The following LARGE1 variants were observed in gnomAD, a reference collection of about 807,000 sequenced individuals.
The protein encoded by LARGE1 is LARGE xylosyl- and glucuronyltransferase 1.
Under a neutral mutation model 87.6 loss-of-function variants are expected in LARGE1, and 43 were observed. The observed-to-expected ratio is 0.49, with a 90% CI of 0.38 to 0.63. The LOEUF (loss-of-function observed/expected upper bound fraction) is 0.63. Ranked by LOEUF, LARGE1 falls within the 30% of genes least tolerant of loss-of-function variation. The probability of loss-of-function intolerance (pLI) is 0.00; values close to 1 mark genes in which losing one functional copy is unlikely to be tolerated. For synonymous variants in LARGE1, 434 were observed against 394.6 expected (o/e 1.10, Z -1.18); for missense variants, 802 against 1,000.2 (o/e 0.80, Z 2.67).
rs193195208 is a variant in LARGE1 at position 33,245,840 on chromosome 22, C to T, written c.1730+58389G>A. Among the ~76,000 whole-genome samples the T allele has an allele frequency of 2.6e-3, 398 of 152,174 alleles. 4 individuals are homozygous for T. Among genetic ancestry groups the T allele is most frequent in the African/African-American group, 9.1e-3 (376 of 41,536 alleles). On this transcript the variant is annotated intron_variant, in intron 11 of 11. Coordinates refer to the LARGE1 transcript ENST00000608642. ...AGGAGAATCACTTGAACCTGGGAGG[C>T]GGAGGTTGCAGTGAGCTGAGATTGC... is the stretch of plus-strand genomic sequence containing the variant.
At chr22:33,072,303 G>C in the LARGE1 span, among the ~76,000 whole-genome samples, 1 of 152,276 alleles carries the variant, frequency 6.6e-6, no homozygotes, top group South Asian at 2.1e-4. Context: ...GGAGGAGGTG[G>C]GGGAGGAGGA....
intron 1 of LARGE1, among the ~76,000 whole-genome samples, chr22:33,784,970 T>G (rs375624112): frequency 4.0e-5 from 6 of 151,182 alleles, no homozygotes; most frequent in African/African-American, 1.5e-4. Context: ...GGTATATACA[T>G]GTGTATACAT....
rs3072359 is a variant in LARGE1 at position 33,865,832 on chromosome 22, C to CTTTTTTTTTTTTTTTTTTTTTTTTTTTTT, written c.-83+54134_-83+54162dup. ...TAAGCATTCAATGTTAGCTGTTATTCTTTTTTTTTTTTTTTTTTTTTTTTT... is the reference window on the plus strand; with the variant it reads ...TAAGCATTCAATGTTAGCTGTTATTCTTTTTTTTTTTTTTTTTTTTTTTTTTTTTTTTTTTTTTTTTTTTTTTTTTTTTT... On this transcript the variant is annotated intron_variant, in intron 1 of 14. Coordinates refer to ENST00000397394, the MANE Select transcript of LARGE1 (RefSeq NM_133642.5). Among the ~76,000 whole-genome samples the CTTTTTTTTTTTTTTTTTTTTTTTTTTTTT allele has an allele frequency of 1.1e-4, 3 of 28,394 alleles. 1 individual carries two copies. The highest frequency in any genetic ancestry group is 3.2e-4 in the African/African-American group (3 of 9,350). 18.6% of individuals were successfully genotyped at this position (28,394 alleles called of 152,430 possible).
rs147428087 is a variant in LARGE1 at position 33,816,043 on chromosome 22, C to G, written c.-82-54485G>C. On this transcript the variant is annotated intron_variant, in intron 1 of 14. Coordinates refer to ENST00000397394, the MANE Select transcript of LARGE1 (RefSeq NM_133642.5). Reference sequence around the variant, plus strand: ...GCATTCAATGTTGTCATTAAATAAGCAAACAAAGACATGGCCTGGTGTTCT... The same window carrying G: ...GCATTCAATGTTGTCATTAAATAAGGAAACAAAGACATGGCCTGGTGTTCT... Among the ~76,000 whole-genome samples, 281 of 152,268 alleles carry G rather than the reference C, an allele frequency of 1.8e-3. 1 individual carries two copies. Among genetic ancestry groups the G allele is most frequent in the African/African-American group, 6.4e-3 (264 of 41,552 alleles).
intron 1 of LARGE1, among the ~76,000 whole-genome samples, chr22:33,848,136 C>T (rs1260215263): frequency 6.6e-6 from 1 of 152,198 alleles, no homozygotes; most frequent in Non-Finnish European, 1.5e-5. Flanking sequence ...AAAACTAAAT[C>T]AGGCAGCGTA....
intron 1 of LARGE1, among the ~76,000 whole-genome samples, chr22:33,872,532 C>T (rs552527947): frequency 2.6e-5 from 4 of 152,162 alleles, no homozygotes; most frequent in Admixed American, 1.3e-4. Context: ...ACCCCCCCAG[C>T]GACACACTAG....
At chr22:33,372,876 G>A (rs997974808) in intron 9 of LARGE1, among the ~76,000 whole-genome samples, 28 of 152,150 alleles carry the variant, frequency 1.8e-4, no homozygotes, top group South Asian at 8.3e-4. Context: ...ATAGAAACAA[G>A]ACAGACAGGA....
At chr22:33,073,316 A>T in the LARGE1 span, among the ~76,000 whole-genome samples, 1 of 152,192 alleles carries the variant, frequency 6.6e-6, no homozygotes, top group Admixed American at 6.5e-5. Flanking sequence ...TGGGGCTGAA[A>T]TTTGAAGGAT....
the LARGE1 span, among the ~76,000 whole-genome samples, chr22:33,108,242 C>G: frequency 2.0e-5 from 3 of 152,154 alleles, no homozygotes; most frequent in Admixed American, 2.0e-4. Flanking sequence ...CAAACATTCA[C>G]TGAGTTTATA....
intron 11 of LARGE1, among the ~76,000 whole-genome samples, chr22:33,309,774 C>T (rs73166240): frequency 6.6e-6 from 1 of 152,010 alleles, no homozygotes; most frequent in Non-Finnish European, 1.5e-5. Flanking sequence ...TCAGCATGTT[C>T]GAGCAGGAAG....
chr22:33,466,996 C>T (rs1420088895), intron 6 of LARGE1, among the ~76,000 whole-genome samples: 2 of 152,060 alleles, frequency 1.3e-5, no homozygotes, highest in Non-Finnish European at 1.5e-5. Flanking sequence ...GAGCCAAGAT[C>T]GTGCCATTGT....
At chr22:33,530,802 T>C (rs921001957) in intron 6 of LARGE1, among the ~76,000 whole-genome samples, 2 of 152,164 alleles carry the variant, frequency 1.3e-5, no homozygotes, top group Admixed American at 1.3e-4. Context: ...ATTTGAGAAA[T>C]AGCAGCCTAC....
chr22:33,303,865 C>T (rs1934504238), intron 12 of LARGE1, among the ~76,000 whole-genome samples: 1 of 152,060 alleles, frequency 6.6e-6, no homozygotes, highest in South Asian at 2.1e-4. Context: ...CCTCGTGATC[C>T]ACCTGCCTCA....
intron 9 of LARGE1, among the ~76,000 whole-genome samples, chr22:33,362,689 T>A (rs1318509575): frequency 6.7e-6 from 1 of 150,154 alleles, no homozygotes; most frequent in African/African-American, 2.4e-5. Flanking sequence ...TAATTAAATA[T>A]TATTTGAGTT....
At chr22:33,809,743 C>T (rs1360846210) in intron 1 of LARGE1, among the ~76,000 whole-genome samples, 1 of 151,998 alleles carries the variant, frequency 6.6e-6, no homozygotes, top group Non-Finnish European at 1.5e-5. Flanking sequence ...ATAAAAATAA[C>T]CAATGAGATA....
At chr22:33,329,135 T>C (rs1937489676) in intron 10 of LARGE1, among the ~76,000 whole-genome samples, 1 of 152,166 alleles carries the variant, frequency 6.6e-6, no homozygotes, top group African/African-American at 2.4e-5. Context: ...CTGCTATCAC[T>C]AGGAGGCTAG....
In LARGE1 at chr22:33,650,227, C is replaced by G. The variant is rs2080750579; in HGVS notation, c.408+140G>C. On this transcript the variant is annotated intron_variant, in intron 3 of 14. Transcript: ENST00000397394. ...CAGACCATTGAGCAAAGTTAGCGAG[C>G]AAGCCAGACTTACACACCCGGGCTA... The G allele has an allele frequency of 2.8e-6, 3 of 1,069,608 alleles. No homozygotes were observed. The Admixed American group carries it at 5.3e-5, about 19-fold the overall frequency. 66.3% of individuals were successfully genotyped at this position (1,069,608 alleles called of 1,614,324 possible).
chr22:33,587,686 T>G (rs1028413479), intron 5 of LARGE1, among the ~76,000 whole-genome samples: 5 of 152,134 alleles, frequency 3.3e-5, no homozygotes, highest in Non-Finnish European at 7.4e-5. Flanking sequence ...ATTTTCCCCT[T>G]GATTTTTTCC....
At chr22:33,805,461 C>T (rs926210317) in intron 1 of LARGE1, among the ~76,000 whole-genome samples, 3 of 152,130 alleles carry the variant, frequency 2.0e-5, no homozygotes, top group African/African-American at 4.8e-5. Context: ...TGGTCGGGCA[C>T]GGTGGCTCAC....
Sources: gnomAD v4.1 joint callset for allele counts (sites outside exome capture counted in the v4.1 genomes callset) on GRCh38, gnomAD v4.1.1 for gene constraint, MANE v1.5 for transcripts, NCBI Gene and HGNC (gene_info 2026-07-23, HGNC 2026-07-21) for gene names.